Variants in ARHGAP19 observed in about 807,000 individuals in gnomAD.
ARHGAP19 encodes the protein Rho GTPase activating protein 19.
A neutral mutation model predicts 60.9 loss-of-function variants in ARHGAP19; 48 were observed. The ratio of observed to expected loss-of-function variants is 0.79; its 90% CI spans 0.62 to 1.00. The LOEUF (loss-of-function observed/expected upper bound fraction) is 1.00. Among genes scored for constraint, ARHGAP19 ranks in the 50% least tolerant of loss-of-function variants. The probability of loss-of-function intolerance (pLI) is 0.00; values close to 1 mark genes in which losing one functional copy is unlikely to be tolerated. For missense variants in ARHGAP19, 562 were observed against 597.2 expected, an observed-to-expected ratio of 0.94 and a Z score of 0.61; for synonymous variants, 209 against 215.5, an observed-to-expected ratio of 0.97 and a Z score of 0.27.
intron 1 of ARHGAP19, among the ~76,000 whole-genome samples, chr10:97,284,994 G>T (rs1843135224): frequency 6.6e-6 from 1 of 151,198 alleles, no homozygotes. Flanking sequence ...CTCCCAAGTA[G>T]CTGCGATTAC....
intron 1 of ARHGAP19, among the ~76,000 whole-genome samples, chr10:97,287,477 C>T (rs1455189059): frequency 6.6e-6 from 1 of 152,204 alleles, no homozygotes; most frequent in Admixed American, 6.5e-5. Context: ...TGCAGTGGCT[C>T]ACACCTATAT....
At chr10:97,250,267 G>A (rs1434176587) in intron 6 of ARHGAP19, among the ~76,000 whole-genome samples, 2 of 151,962 alleles carry the variant, frequency 1.3e-5, no homozygotes, top group Non-Finnish European at 2.9e-5. Flanking sequence ...CTGGGGGAGA[G>A]TTATATATGA....
intron 1 of ARHGAP19, among the ~76,000 whole-genome samples, chr10:97,291,182 C>G (rs1022395679): frequency 1.3e-5 from 2 of 152,168 alleles, no homozygotes; most frequent in Non-Finnish European, 2.9e-5. Context: ...TTAGAGCCAG[C>G]AACGGCCACC....
chr10:97,269,314 G>A (rs531798799), intron 1 of ARHGAP19, among the ~76,000 whole-genome samples: 2 of 152,152 alleles, frequency 1.3e-5, no homozygotes, highest in Non-Finnish European at 2.9e-5. Flanking sequence ...TCTTCAGCTG[G>A]TGGCTAGGAG....
intron 4 of ARHGAP19, 88 bp downstream of exon 4, chr10:97,263,332 T>C (rs1036923398): frequency 9.9e-5 from 132 of 1,329,494 alleles, no homozygotes; most frequent in Non-Finnish European, 1.3e-4. Flanking sequence ...GAAGTATTTC[T>C]GTGGGTCACA....
chr10:97,270,503 A>G, intron 1 of ARHGAP19: 1 of 847,454 alleles, frequency 1.2e-6, no homozygotes, highest in Non-Finnish European at 1.8e-6. Context: ...GTATAGGACT[A>G]AAGAAAAAAC....
chr10:97,251,842 GA>G (rs1453100158), intron 6 of ARHGAP19, among the ~76,000 whole-genome samples: 1 of 147,000 alleles, frequency 6.8e-6, no homozygotes, highest in South Asian at 2.2e-4. Context: ...GCTATGAGCT[GA>G]AAAAATATCC....
At position 97,279,700 on chromosome 10, in the gene ARHGAP19, C is replaced by T. The variant is rs147040619; in HGVS notation, c.56+12872G>A. ...TGTAGACACAAGTCTTTCTACGTTG[C>T]CCAGGTCTCAAATTCCTGGGCCCAA... On this transcript the variant is annotated intron_variant, in intron 1 of 11. Coordinates refer to ENST00000358531, the MANE Select transcript of ARHGAP19 (RefSeq NM_032900.6). 9.2e-5 allele frequency among the ~76,000 whole-genome samples: 14 copies of T among 152,164 alleles called. No individual in the cohort carries two copies. In the East Asian group the frequency reaches 1.9e-3, roughly 21 times the overall value.
intron 6 of ARHGAP19, among the ~76,000 whole-genome samples, chr10:97,250,582 T>G (rs1406348527): frequency 1.3e-5 from 2 of 151,650 alleles, no homozygotes; most frequent in Non-Finnish European, 2.9e-5. Context: ...TTCACCGTGT[T>G]GACTAGGCTG....
chr10:97,237,852 AAGAGCGAG>A (rs1842406632), intron 8 of ARHGAP19, among the ~76,000 whole-genome samples: 1 of 152,068 alleles, frequency 6.6e-6, no homozygotes, highest in South Asian at 2.1e-4. Context: ...GCCTGGGCGA[AAGAGCGAG>A]ACTCTATCTC....
At chr10:97,233,215 T>C (rs1851058453) in intron 9 of ARHGAP19, among the ~76,000 whole-genome samples, 1 of 151,572 alleles carries the variant, frequency 6.6e-6, no homozygotes, top group South Asian at 2.1e-4. Flanking sequence ...CCAGGTATGA[T>C]GGCATGCACT....
intron 8 of ARHGAP19, among the ~76,000 whole-genome samples, chr10:97,240,545 G>T (rs1172342895): frequency 1.3e-5 from 2 of 152,194 alleles, no homozygotes; most frequent in African/African-American, 2.4e-5. Context: ...CAGTTACTCG[G>T]GAGGTTGAGG....
intron 1 of ARHGAP19, among the ~76,000 whole-genome samples, chr10:97,281,446 T>G (rs571127810): frequency 3.3e-5 from 5 of 152,240 alleles, no homozygotes; most frequent in Non-Finnish European, 5.9e-5. Flanking sequence ...GCCAGAAATA[T>G]TCAATATTTC....
intron 8 of ARHGAP19, among the ~76,000 whole-genome samples, chr10:97,242,324 C>CTT (rs1164708198): frequency 0.013 from 726 of 55,780 alleles, 142 homozygotes; most frequent in African/African-American, 0.031. Context: ...TATCAGTGTT[C>CTT]TTTTTTTTTT....
In ARHGAP19 at chr10:97,226,114, T is replaced by G. The variant is rs776019405; in HGVS notation, c.*8A>C. The G allele has an allele frequency of 1.5e-5, 24 of 1,613,788 alleles. No homozygotes were observed. Among genetic ancestry groups the G allele is most frequent in the Admixed American group, 5.0e-5 (3 of 59,982 alleles). ...CTGCATGGACCATAGGAGACAACTC[T>G]GGATCCTTCAGAGAAATCCTAGGTT... is the stretch of plus-strand genomic sequence containing the variant. On this transcript the variant is annotated 3_prime_UTR_variant, in exon 12 of 12. Transcript: ENST00000358531.
intron 6 of ARHGAP19, among the ~76,000 whole-genome samples, chr10:97,250,675 G>A (rs758113717): frequency 2.6e-5 from 4 of 151,278 alleles, no homozygotes; most frequent in Non-Finnish European, 5.9e-5. Flanking sequence ...ACCACGCCCA[G>A]CCAGTTTAAT....
At chr10:97,236,311 C>T (rs542602012) in intron 8 of ARHGAP19, among the ~76,000 whole-genome samples, 24 of 152,144 alleles carry the variant, frequency 1.6e-4, no homozygotes, top group African/African-American at 5.3e-4. Context: ...TTTAAAATTT[C>T]GGAACTGTAA....
At position 97,292,612 on chromosome 10, in the gene ARHGAP19, G is replaced by C. The variant is rs928225152; in HGVS notation, c.16C>G (p.Gln6Glu). Residue 6 changes from glutamine to glutamate, a missense_variant, in exon 1 of 12, where the codon CAG (glutamine) becomes GAG (glutamate). Physicochemically the swap from Gln to Glu is conservative, Grantham distance 29. Transcript: ENST00000358531. ...CGGGCTGGCACCTCCCCTTCACTCT[G>C]TGCCTCAGTCGCCATCTTCGTCAGC... MATEA[Q>E]SEGEVPARES... 1 of 1,614,174 alleles carries C rather than the reference G, an allele frequency of 6.2e-7. No homozygotes were observed. The highest frequency in any genetic ancestry group is 8.5e-7 in the Non-Finnish European group (1 of 1,180,038).
intron 6 of ARHGAP19, among the ~76,000 whole-genome samples, chr10:97,248,497 G>A (rs577861858): frequency 1.1e-4 from 17 of 152,128 alleles, no homozygotes; most frequent in South Asian, 8.3e-4. Flanking sequence ...AAAAAGTTGC[G>A]TAGTATTAAA....
Sources: gnomAD v4.1 joint callset for allele counts (sites outside exome capture counted in the v4.1 genomes callset) on GRCh38, gnomAD v4.1.1 for gene constraint, MANE v1.5 for transcripts, NCBI Gene and HGNC (gene_info 2026-07-23, HGNC 2026-07-21) for gene names.